The following KCNH7 variants were observed in gnomAD, a reference collection of about 807,000 sequenced individuals.
The protein encoded by KCNH7 is potassium voltage-gated channel subfamily H member 7.
KCNH7 carries 49 observed loss-of-function variants against 120.8 expected under a neutral mutation model. The ratio of observed to expected loss-of-function variants is 0.41; its 90% CI spans 0.32 to 0.51. The LOEUF (loss-of-function observed/expected upper bound fraction) is 0.51. Among genes scored for constraint, KCNH7 ranks in the 20% least tolerant of loss-of-function variants. The pLI is 0.38. For missense variants in KCNH7, 1,097 were observed against 1,446.6 expected (o/e 0.76, Z 3.92); for synonymous variants, 547 against 516.1 (o/e 1.06, Z -0.81).
Position 162,752,902 on chromosome 2 carries a change from G to GAAA in KCNH7, c.307+83632_307+83634dup, listed in dbSNP as rs140501872. On this transcript the variant is annotated intron_variant, in intron 2 of 15. Coordinates refer to ENST00000332142, the MANE Select transcript of KCNH7 (RefSeq NM_033272.4). ...GGCAAAAGAGCAAGACTACATCTCA[G>GAAA]AAAAAGAAAAGAAAAGAAAAGAAAA... is the stretch of plus-strand genomic sequence containing the variant. 3.9e-4 allele frequency among the ~76,000 whole-genome samples: 24 copies of GAAA among 61,278 alleles called. 2 individuals are homozygous for GAAA. Among genetic ancestry groups the GAAA allele is most frequent in the Non-Finnish European group, 5.5e-4 (20 of 36,516 alleles). 40.2% of individuals were successfully genotyped at this position (61,278 alleles called of 152,430 possible). A position where few individuals can be genotyped will look rare whatever the true frequency, so the allele number is the denominator to read the frequency against.
At chr2:162,616,928 T>C (rs112882969) in intron 2 of KCNH7, among the ~76,000 whole-genome samples, 7 of 152,310 alleles carry the variant, frequency 4.6e-5, no homozygotes, top group African/African-American at 1.7e-4. Flanking sequence ...CATTTATGCC[T>C]ACAGTGTGTC....
chr2:162,423,662 A>G (rs1687772193), intron 8 of KCNH7, 127 bp from the exon 9 acceptor site: 2 of 824,586 alleles, frequency 2.4e-6, no homozygotes, highest in Non-Finnish European at 1.8e-6. Context: ...GATCACGGGG[A>G]AAAAAAGAAG....
chr2:162,640,098 A>C (rs1574206696), intron 2 of KCNH7, among the ~76,000 whole-genome samples: 1 of 152,192 alleles, frequency 6.6e-6, no homozygotes, highest in Non-Finnish European at 1.5e-5. Context: ...TGGAAGACTC[A>C]ATAGTAACTA....
intron 2 of KCNH7, among the ~76,000 whole-genome samples, chr2:162,673,275 ATAAAATATAGCAAATGGTTTTATG>A (rs1685423061): frequency 6.6e-6 from 1 of 152,090 alleles, no homozygotes; most frequent in Non-Finnish European, 1.5e-5. Context: ...ATGGTTTTAT[ATAAAATATAGCAAATGGTTTTATG>A]TAAAATATAG....
intron 2 of KCNH7, among the ~76,000 whole-genome samples, chr2:162,591,786 T>C (rs948382155): frequency 3.9e-5 from 6 of 152,138 alleles, no homozygotes; most frequent in African/African-American, 1.2e-4. Context: ...AATTTTTTTC[T>C]GTGTTTTTAA....
intron 2 of KCNH7, among the ~76,000 whole-genome samples, chr2:162,631,726 T>C (rs887924334): frequency 6.6e-6 from 1 of 151,970 alleles, no homozygotes; most frequent in Non-Finnish European, 1.5e-5. Context: ...CAGATGATAA[T>C]GAATCACAGA....
intron 9 of KCNH7, among the ~76,000 whole-genome samples, chr2:162,412,845 C>T (rs1398816626): frequency 6.6e-6 from 1 of 152,088 alleles, no homozygotes; most frequent in Non-Finnish European, 1.5e-5. Context: ...CAAGGAAGAT[C>T]TCCGTGCCTA....
intron 2 of KCNH7, among the ~76,000 whole-genome samples, chr2:162,835,036 T>C (rs1190435449): frequency 6.6e-6 from 1 of 152,142 alleles, no homozygotes; most frequent in Non-Finnish European, 1.5e-5. Context: ...TGGCATCAGA[T>C]ACTCAAAAGA....
intron 2 of KCNH7, among the ~76,000 whole-genome samples, chr2:162,573,588 G>A (rs532074293): frequency 1.3e-5 from 2 of 152,004 alleles, no homozygotes; most frequent in East Asian, 3.9e-4. Flanking sequence ...TATACCTGTA[G>A]AGAACATTAT....
At chr2:162,746,024 T>C (rs950472499) in intron 2 of KCNH7, among the ~76,000 whole-genome samples, 1 of 152,166 alleles carries the variant, frequency 6.6e-6, no homozygotes. Flanking sequence ...ATTTGCAAAA[T>C]GAAACTAATA....
chr2:162,778,812 C>A (rs1683356579), intron 2 of KCNH7, among the ~76,000 whole-genome samples: 1 of 152,134 alleles, frequency 6.6e-6, no homozygotes, highest in Non-Finnish European at 1.5e-5. Flanking sequence ...GACATCACTG[C>A]ATAGCATGAT....
chr2:162,746,637 A>T (rs1688325903), intron 2 of KCNH7, among the ~76,000 whole-genome samples: 1 of 152,168 alleles, frequency 6.6e-6, no homozygotes, highest in Non-Finnish European at 1.5e-5. Flanking sequence ...AGTTTAATGA[A>T]ATCTGCTGTA....
At chr2:162,508,472 G>A (rs912284215) in intron 5 of KCNH7, among the ~76,000 whole-genome samples, 1 of 151,282 alleles carries the variant, frequency 6.6e-6, no homozygotes, top group Non-Finnish European at 1.5e-5. Context: ...ATTTCATGCT[G>A]TATAAAAAAG....
chr2:162,601,549 A>G (rs571954880), intron 2 of KCNH7, among the ~76,000 whole-genome samples: 4 of 151,572 alleles, frequency 2.6e-5, no homozygotes, highest in African/African-American at 9.7e-5. Context: ...CAAACTATAA[A>G]ATTAATCTCT....
At chr2:162,531,300 G>A (rs1164388745) in intron 3 of KCNH7, among the ~76,000 whole-genome samples, 1 of 151,918 alleles carries the variant, frequency 6.6e-6, no homozygotes, top group Non-Finnish European at 1.5e-5. Flanking sequence ...TTACATTTCA[G>A]TTTTAAACGG....
intron 2 of KCNH7, among the ~76,000 whole-genome samples, chr2:162,685,436 A>G (rs1685856040): frequency 6.6e-6 from 1 of 152,112 alleles, no homozygotes; most frequent in Non-Finnish European, 1.5e-5. Context: ...GTATAGTACA[A>G]GGTAATATCC....
chr2:162,595,529 A>T (rs1199534464), intron 2 of KCNH7, among the ~76,000 whole-genome samples: 1 of 152,074 alleles, frequency 6.6e-6, no homozygotes, highest in African/African-American at 2.4e-5. Context: ...TCACTTCATG[A>T]TAAAATCTCT....
At chr2:162,759,056 G>C (rs892836479) in intron 2 of KCNH7, among the ~76,000 whole-genome samples, 1 of 151,918 alleles carries the variant, frequency 6.6e-6, no homozygotes, top group African/African-American at 2.4e-5. Flanking sequence ...AGAAGGAGAG[G>C]TACTTGCCAC....
intron 2 of KCNH7, among the ~76,000 whole-genome samples, chr2:162,804,268 A>G (rs1027699146): frequency 6.6e-6 from 1 of 151,908 alleles, no homozygotes; most frequent in Non-Finnish European, 1.5e-5. Flanking sequence ...AAGGGCATCC[A>G]AATAAGAAGA....
Sources: gnomAD v4.1 joint callset for allele counts (sites outside exome capture counted in the v4.1 genomes callset) on GRCh38, gnomAD v4.1.1 for gene constraint, MANE v1.5 for transcripts, NCBI Gene and HGNC (gene_info 2026-07-23, HGNC 2026-07-21) for gene names.